FMN2: variants seen among roughly 807,000 people sequenced by gnomAD.
FMN2 encodes formin 2, also known as formin-2.
In FMN2, 51 loss-of-function variants were observed where a neutral mutation model predicts 142.3. The observed-to-expected ratio is 0.36, with a 90% CI of 0.29 to 0.45. FMN2 has a LOEUF of 0.45. FMN2 is among the 20% of genes least tolerant of loss of function. FMN2 has a pLI of 1.00. For missense variants in FMN2, 1,936 were observed against 2,122.8 expected, an observed-to-expected ratio of 0.91 and a Z score of 1.73; for synonymous variants, 882 against 869.8, an observed-to-expected ratio of 1.01 and a Z score of -0.25.
At chr1:240,455,418 C>T (rs1437592280) in intron 16 of FMN2, among the ~76,000 whole-genome samples, 1 of 151,990 alleles carries the variant, frequency 6.6e-6, no homozygotes, top group Non-Finnish European at 1.5e-5. Context: ...AGGAGGCACA[C>T]TACAATTGAG....
intron 8 of FMN2, among the ~76,000 whole-genome samples, chr1:240,298,307 C>A (rs985913742): frequency 1.3e-5 from 2 of 152,090 alleles, no homozygotes; most frequent in African/African-American, 4.8e-5. Flanking sequence ...GGTCATTGTG[C>A]GTATTTTATA....
At chr1:240,136,262 C>A (rs952519032) in intron 2 of FMN2, among the ~76,000 whole-genome samples, 4 of 152,020 alleles carry the variant, frequency 2.6e-5, no homozygotes, top group African/African-American at 9.7e-5. Flanking sequence ...CCCCGTTATG[C>A]TCAATTCAAG....
intron 7 of FMN2, among the ~76,000 whole-genome samples, chr1:240,284,816 G>A (rs1457977462): frequency 6.6e-6 from 1 of 152,076 alleles, no homozygotes; most frequent in Non-Finnish European, 1.5e-5. Context: ...GATCACCAGG[G>A]ACACAGCTTC....
intron 15 of FMN2, among the ~76,000 whole-genome samples, chr1:240,394,904 G>T (rs1286932475): frequency 6.6e-6 from 1 of 152,158 alleles, no homozygotes; most frequent in Non-Finnish European, 1.5e-5. Flanking sequence ...GGAGGCAGAG[G>T]TTGCAGCGAG....
chr1:240,238,879 C>A, intron 6 of FMN2, among the ~76,000 whole-genome samples: 1 of 152,092 alleles, frequency 6.6e-6, no homozygotes, highest in Non-Finnish European at 1.5e-5. Context: ...AGGCAAAAGC[C>A]ATTATAAACA....
At chr1:240,310,269 T>G (rs6697484) in intron 8 of FMN2, among the ~76,000 whole-genome samples, 1 of 152,240 alleles carries the variant, frequency 6.6e-6, no homozygotes, top group African/African-American at 2.4e-5. Context: ...CAACACACTT[T>G]CTTTTTGCCA....
intron 14 of FMN2, among the ~76,000 whole-genome samples, chr1:240,365,038 A>G (rs1225144337): frequency 3.3e-5 from 5 of 152,238 alleles, no homozygotes; most frequent in Non-Finnish European, 5.9e-5. Context: ...AATGGAATGT[A>G]AGTCTTCTCA....
chr1:240,312,843 G>A (rs1003828915), intron 8 of FMN2, among the ~76,000 whole-genome samples: 1 of 152,086 alleles, frequency 6.6e-6, no homozygotes, highest in Non-Finnish European at 1.5e-5. Flanking sequence ...TGCACTTCTC[G>A]AACTGATCAG....
At chr1:240,311,781 G>A (rs1017265917) in intron 8 of FMN2, among the ~76,000 whole-genome samples, 1 of 152,084 alleles carries the variant, frequency 6.6e-6, no homozygotes, top group Admixed American at 6.6e-5. Flanking sequence ...GGAAATATGT[G>A]GAAATAAATG....
At chr1:240,205,836 A>G (rs1052742603) in intron 4 of FMN2, among the ~76,000 whole-genome samples, 3 of 151,084 alleles carry the variant, frequency 2.0e-5, no homozygotes, top group Non-Finnish European at 2.9e-5. Flanking sequence ...TAGGAAAGGA[A>G]GACACCACTT....
intron 2 of FMN2, among the ~76,000 whole-genome samples, chr1:240,139,505 A>C (rs1663087800): frequency 1.3e-5 from 2 of 151,974 alleles, no homozygotes; most frequent in Admixed American, 1.3e-4. Context: ...GCAAGAAGAG[A>C]CTGACGTATA....
intron 4 of FMN2, among the ~76,000 whole-genome samples, chr1:240,204,300 A>T (rs1666242283): frequency 6.6e-6 from 1 of 152,280 alleles, no homozygotes; most frequent in African/African-American, 2.4e-5. Flanking sequence ...AGAGGTTAGG[A>T]TTAAGACTAC....
intron 7 of FMN2, among the ~76,000 whole-genome samples, chr1:240,271,889 T>C (rs1669030893): frequency 6.6e-6 from 1 of 152,170 alleles, no homozygotes; most frequent in South Asian, 2.1e-4. Flanking sequence ...AATTATAATG[T>C]CTTTTACTAC....
rs76758921 is a variant in FMN2 at position 240,208,345 on chromosome 1, C to T, written c.3533C>T (p.Pro1178Leu). Residue 1178 changes from proline to leucine, a missense_variant, in exon 5 of 18, where the codon CCT becomes CTT. Around this residue, in one of 8 missense-constraint regions of FMN2, gnomAD observed 259 missense variants for 230.9 expected, o/e 1.12. Transcript: ENST00000319653. The stretch of plus-strand genomic sequence containing the variant: ...GGAGCGGGCATACCCCCTCCGCCCC[C>T]TCTACCTGGAGTGGGAATACCTCCT... ...LPGAGIPPPP[P>L]LPGVGIPPPP... The T allele has an allele frequency of 1.3e-6, 2 of 1,498,216 alleles. No individual in the cohort carries two copies. The highest frequency in any genetic ancestry group is 3.2e-5 in the African/African-American group (2 of 61,590). The allele number at this position is 1,498,216 out of a possible 1,614,324, so 92.8% of individuals were successfully genotyped here. A position where few individuals can be genotyped will look rare whatever the true frequency, so the allele number is the denominator to read the frequency against.
intron 2 of FMN2, among the ~76,000 whole-genome samples, chr1:240,152,497 G>T (rs1663830143): frequency 6.6e-6 from 1 of 152,032 alleles, no homozygotes; most frequent in South Asian, 2.1e-4. Flanking sequence ...TTAACCTTTT[G>T]TTTCCGTTTC....
chr1:240,468,690 G>A (rs148694685), intron 16 of FMN2, among the ~76,000 whole-genome samples: 1 of 152,160 alleles, frequency 6.6e-6, no homozygotes, highest in Non-Finnish European at 1.5e-5. Context: ...ACTTAGTTAA[G>A]AAATGTTAGG....
chr1:240,429,942 G>A (rs1675087364), intron 15 of FMN2, among the ~76,000 whole-genome samples: 1 of 150,794 alleles, frequency 6.6e-6, no homozygotes. Context: ...CTGGAGTGCA[G>A]TGGTGCGATC....
chr1:240,219,938 C>T (rs893708885), intron 6 of FMN2, among the ~76,000 whole-genome samples: 2 of 152,144 alleles, frequency 1.3e-5, no homozygotes, highest in African/African-American at 4.8e-5. Flanking sequence ...GGATTAGAAG[C>T]GTGAGCCACC....
chr1:240,448,902 G>C (rs989764675), intron 16 of FMN2, among the ~76,000 whole-genome samples: 5 of 152,136 alleles, frequency 3.3e-5, no homozygotes, highest in African/African-American at 1.2e-4. Flanking sequence ...CAGTACTTTG[G>C]GGGGCCAAGG....
Sources: allele counts gnomAD v4.1 joint callset (sites outside exome capture counted in the v4.1 genomes callset), GRCh38; gene constraint gnomAD v4.1.1; regional missense constraint gnomAD v4.1.1; transcripts MANE v1.5; gene names NCBI Gene and HGNC (gene_info 2026-07-23, HGNC 2026-07-21).